Variants in AKAP9 observed in about 807,000 individuals in gnomAD.
AKAP9 encodes the protein A-kinase anchor protein 9.
Under a neutral mutation model 488.5 loss-of-function variants are expected in AKAP9, and 311 were observed. That is an observed-to-expected ratio of 0.64 (90% CI 0.58 to 0.70). The LOEUF (loss-of-function observed/expected upper bound fraction) is 0.70, where lower values mean the gene tolerates loss of function less well. Ranked by LOEUF, AKAP9 falls within the 30% of genes least tolerant of loss-of-function variation. The probability of loss-of-function intolerance (pLI) is 0.00; values close to 1 mark genes in which losing one functional copy is unlikely to be tolerated. For missense variants in AKAP9, 4,215 were observed against 4,374.5 expected, an observed-to-expected ratio of 0.96 and a Z score of 1.03; for synonymous variants, 1,462 against 1,483.5, an observed-to-expected ratio of 0.99 and a Z score of 0.33.
intron 3 of AKAP9, among the ~76,000 whole-genome samples, chr7:91,982,888 G>T (rs1459651473): frequency 2.0e-5 from 3 of 152,038 alleles, no homozygotes; most frequent in Non-Finnish European, 2.9e-5. Flanking sequence ...ATTCTAACTG[G>T]TATGAGATGG....
In AKAP9 at chr7:92,096,927, A is replaced by C. The variant is rs760056150; in HGVS notation, c.9968A>C (p.His3323Pro). The C allele has an allele frequency of 1.2e-6, 2 of 1,614,088 alleles. No individual in the cohort carries two copies. Among genetic ancestry groups the C allele is most frequent in the Admixed American group, 1.7e-5 (1 of 60,004 alleles). The change falls in exon 41 of 50, where the codon CAC (histidine) becomes CCC (proline). Residue 3323 changes from histidine to proline, a missense_variant. This residue lies in a region of AKAP9 where 1,476 missense variants were observed against 1,477.4 expected (regional missense o/e 1.00). Transcript: ENST00000356239. Reference sequence around the variant, plus strand: ...ACCCTAGATAGGGAGCGGGAATTGCACGCACAGCTGCAGAGCAGTGATGGT... The same window carrying C: ...ACCCTAGATAGGGAGCGGGAATTGCCCGCACAGCTGCAGAGCAGTGATGGT... ...SSTLDREREL[H>P]AQLQSSDGTG...
At chr7:92,063,101 T>A (rs574691342) in intron 24 of AKAP9, among the ~76,000 whole-genome samples, 40 of 152,328 alleles carry the variant, frequency 2.6e-4, no homozygotes, top group African/African-American at 9.4e-4. Context: ...CTGTTTACCA[T>A]GTCCTCTCAC....
chr7:92,081,497 A>ATATATATTT (rs1370452281), intron 31 of AKAP9, among the ~76,000 whole-genome samples: 2 of 85,380 alleles, frequency 2.3e-5, no homozygotes, highest in Non-Finnish European at 4.8e-5. Flanking sequence ...ATATATATAT[A>ATATATATTT]TTTTTTTTTT....
In AKAP9 at chr7:92,085,593, A is replaced by G; in HGVS notation, c.8931A>G (p.Ser2977=). ...DGEDHSIQQV[S]EPWLEERKAY... The stretch of plus-strand genomic sequence containing the variant: ...AGGACCATTCTATTCAGCAGGTTTC[A>G]GAACCTTGGCTAGAAGAGAGAAAAG... Residue 2977 remains serine (S), a synonymous_variant, in exon 36 of 50, where the codon TCA becomes TCG. Transcript: ENST00000356239. The G allele has an allele frequency of 6.2e-7, 1 of 1,613,910 alleles. No homozygotes were observed. The highest frequency in any genetic ancestry group is 8.5e-7 in the Non-Finnish European group (1 of 1,179,826).
chr7:92,061,361 G>A lies in AKAP9; in HGVS notation c.5703G>A (p.Glu1901=), dbSNP rs1424098734. The A allele has an allele frequency of 1.2e-6, 2 of 1,613,048 alleles. No homozygotes were observed. ...TTAAGTGCCAAGAGGAACTTCGAGA[G>A]CGCCTTCATGAGGAGTCCAGGGCCA... ...ESLKCQEELR[E]RLHEESRARE... The change falls in exon 23 of 50, where the codon GAG becomes GAA. Residue 1901 remains glutamate, a synonymous_variant. Transcript: ENST00000356239.
chr7:91,998,728 G>T (rs542270368), intron 7 of AKAP9, among the ~76,000 whole-genome samples: 2 of 151,874 alleles, frequency 1.3e-5, no homozygotes, highest in East Asian at 3.9e-4. Flanking sequence ...AACTGGAATT[G>T]ACCACCATGA....
At chr7:92,020,973 C>T (rs1802236934) in intron 12 of AKAP9, among the ~76,000 whole-genome samples, 1 of 152,144 alleles carries the variant, frequency 6.6e-6, no homozygotes, top group Non-Finnish European at 1.5e-5. Context: ...TAGTCTTTCC[C>T]CTTGCTTTTA....
At chr7:91,944,416 A>T (rs1394366033) in intron 1 of AKAP9, among the ~76,000 whole-genome samples, 3 of 149,704 alleles carry the variant, frequency 2.0e-5, no homozygotes, top group African/African-American at 7.4e-5. Flanking sequence ...TTTTTTTGAG[A>T]CAGCCTGTCT....
At chr7:92,019,217 C>G (rs986985908) in intron 12 of AKAP9, among the ~76,000 whole-genome samples, 22 of 151,954 alleles carry the variant, frequency 1.4e-4, no homozygotes, top group Admixed American at 7.9e-4. Context: ...TCTCGGCTCA[C>G]TGCAACCTCT....
At chr7:91,962,463 G>A (rs536438311) in intron 1 of AKAP9, among the ~76,000 whole-genome samples, 27 of 152,032 alleles carry the variant, frequency 1.8e-4, no homozygotes, top group African/African-American at 3.6e-4. Flanking sequence ...AAATATGCCC[G>A]TTAAACTGTT....
chr7:91,980,495 C>CTTTTTTTTTCTTT (rs1796259055), intron 3 of AKAP9, among the ~76,000 whole-genome samples, 162 bp downstream of exon 3: 1 of 48,756 alleles, frequency 2.1e-5, no homozygotes, highest in Non-Finnish European at 3.3e-5. Context: ...GTATTACTGA[C>CTTTTTTTTTCTTT]TTTTTTTTTT....
intron 38 of AKAP9, among the ~76,000 whole-genome samples, chr7:92,091,325 C>A (rs760517020): frequency 6.6e-6 from 1 of 152,034 alleles, no homozygotes; most frequent in African/African-American, 2.4e-5. Flanking sequence ...CTGTGGTTCA[C>A]GCCTGTAATC....
intron 1 of AKAP9, among the ~76,000 whole-genome samples, chr7:91,945,520 A>C (rs1791358761): frequency 6.6e-6 from 1 of 152,066 alleles, no homozygotes; most frequent in African/African-American, 2.4e-5. Context: ...AAACAAAACA[A>C]AACAAAAACA....
chr7:91,995,502 C>A, intron 6 of AKAP9, 101 bp from the exon 7 acceptor site: 1 of 1,022,700 alleles, frequency 9.8e-7, no homozygotes, highest in Admixed American at 2.1e-5. Context: ...CTCAAGCCTG[C>A]AGAGTTCCCA....
At chr7:91,980,495 CTTTT>C (rs60385804) in intron 3 of AKAP9, among the ~76,000 whole-genome samples, 162 bp downstream of exon 3, 21 of 48,756 alleles carry the variant, frequency 4.3e-4, no homozygotes, top group African/African-American at 1.8e-3. Context: ...GTATTACTGA[CTTTT>C]TTTTTTTTTT....
chr7:91,992,130 A>T, intron 3 of AKAP9, 28 bp from the exon 4 acceptor site: 1 of 1,547,688 alleles, frequency 6.5e-7, no homozygotes. Flanking sequence ...CTAAGATCAT[A>T]ATATATCAGG....
At chr7:92,081,328 G>C (rs934350857) in intron 31 of AKAP9, among the ~76,000 whole-genome samples, 6 of 150,196 alleles carry the variant, frequency 4.0e-5, no homozygotes, top group African/African-American at 9.8e-5. Flanking sequence ...TCTTGAGACA[G>C]AGTCTCGCTC....
At chr7:92,016,401 G>A (rs1304068740) in intron 11 of AKAP9, 134 bp downstream of exon 11, 1 of 646,960 alleles carries the variant, frequency 1.5e-6, no homozygotes, top group Admixed American at 3.1e-5. Flanking sequence ...CCTCCTTTCA[G>A]ATTCATGAAA....
In AKAP9 at chr7:92,079,178, A is replaced by G. The variant is rs554716701; in HGVS notation, c.7045A>G (p.Ile2349Val). Residue 2349 changes from isoleucine (I) to valine (V), a missense_variant, in exon 31 of 50, where the codon ATA (isoleucine) becomes GTA (valine). By Grantham distance (29) the Ile-to-Val change is conservative. Transcript: ENST00000356239. ...ECVKRNREEE[I>V]EQLNEVIEKL... ...TGTGAAGAGAAATAGAGAAGAAGAA[A>G]TAGAGCAGCTCAATGAAGTGATTGA... 6.2e-7 allele frequency: 1 copy of G among 1,614,048 alleles called. No individual in the cohort carries two copies. Among genetic ancestry groups the G allele is most frequent in the African/African-American group, 1.3e-5 (1 of 75,054 alleles).
Sources: gnomAD v4.1 joint callset for allele counts (sites outside exome capture counted in the v4.1 genomes callset) on GRCh38, gnomAD v4.1.1 for gene constraint, gnomAD v4.1.1 regional missense constraint, MANE v1.5 for transcripts, NCBI Gene and HGNC (gene_info 2026-07-23, HGNC 2026-07-21) for gene names.